FANCE: variants seen among roughly 807,000 people sequenced by gnomAD.
The protein encoded by FANCE is Fanconi anemia group E protein.
In FANCE, 42 loss-of-function variants were observed where a neutral mutation model predicts 57.8. That is an observed-to-expected ratio of 0.73 (90% CI 0.57 to 0.94). The LOEUF (loss-of-function observed/expected upper bound fraction) is 0.94, where lower values mean the gene tolerates loss of function less well. Ranked by LOEUF, FANCE falls within the 40% of genes least tolerant of loss-of-function variation. The probability of loss-of-function intolerance (pLI) is 0.00; values close to 1 mark genes in which losing one functional copy is unlikely to be tolerated. For synonymous variants in FANCE, 251 were observed against 286.4 expected (o/e 0.88, Z 1.25); for missense variants, 608 against 661.8 (o/e 0.92, Z 0.89).
chr6:35,464,653 T>C (rs980097415), intron 9 of FANCE, among the ~76,000 whole-genome samples: 3 of 151,598 alleles, frequency 2.0e-5, no homozygotes, highest in African/African-American at 7.3e-5. Flanking sequence ...ACACCCAGCC[T>C]CAGGCGTGGC....
chr6:35,457,463 A>G (rs1226561172), intron 2 of FANCE, 93 bp from the exon 3 acceptor site: 4 of 1,404,998 alleles, frequency 2.8e-6, no homozygotes, highest in Non-Finnish European at 4.0e-6. Flanking sequence ...GCTCCCACTG[A>G]CCTGGGGCCT....
rs200659702 is a variant in FANCE, at chr6:35,455,747, G to A, written c.249G>A (p.Leu83=). ...TGCTTGCTCTCCCTCTGCTACCCAGGAAACCACTGTTGCTGCGATTGCCCC... is the reference window on the plus strand; with the variant it reads ...TGCTTGCTCTCCCTCTGCTACCCAGAAAACCACTGTTGCTGCGATTGCCCC... ...VVQGPDGRLE[L]KPLLLRLPRI... The change falls in exon 2 of 10, where the codon CTG becomes CTA. Residue 83 remains leucine (L), a splice_region_variant and synonymous_variant. Coordinates refer to ENST00000229769, the MANE Select transcript of FANCE (RefSeq NM_021922.3). The A allele has an allele frequency of 6.2e-7, 1 of 1,613,844 alleles. No homozygotes were observed. The highest frequency in any genetic ancestry group is 8.5e-7 in the Non-Finnish European group (1 of 1,180,028).
intron 1 of FANCE, among the ~76,000 whole-genome samples, chr6:35,454,748 C>T (rs1767256786): frequency 6.6e-6 from 1 of 152,234 alleles, no homozygotes; most frequent in Non-Finnish European, 1.5e-5. Context: ...TCCTCATCCC[C>T]CGTCTTTCCC....
chr6:35,454,147 TC>T (rs1767228618), intron 1 of FANCE, among the ~76,000 whole-genome samples: 1 of 151,864 alleles, frequency 6.6e-6, no homozygotes, highest in African/African-American at 2.4e-5. Context: ...CACTGCAACC[TC>T]CACCTCCAGA....
intron 5 of FANCE, among the ~76,000 whole-genome samples, chr6:35,458,874 G>T (rs1767469513): frequency 1.3e-5 from 2 of 151,960 alleles, no homozygotes; most frequent in South Asian, 4.2e-4. Context: ...TCTGCCTTTG[G>T]GGTTCAAGCG....
At chr6:35,460,721 A>G in intron 8 of FANCE, 103 bp downstream of exon 8, 1 of 1,039,060 alleles carries the variant, frequency 9.6e-7, no homozygotes, top group South Asian at 1.3e-5. Context: ...TGGAGGGTCA[A>G]GCAGGACAGC....
In FANCE at chr6:35,459,406, C is replaced by A. The variant is rs759782690; in HGVS notation, c.1189C>A (p.Pro397Thr). 5.6e-6 allele frequency: 9 copies of A among 1,614,066 alleles called. 1 individual carries two copies. The Admixed American group carries it at 1.0e-4, about 18-fold the overall frequency. The change falls in exon 6 of 10, where the codon CCT becomes ACT. Residue 397 changes from proline (P) to threonine (T), a missense_variant. By Grantham distance (38) the Pro-to-Thr change is conservative. Coordinates refer to ENST00000229769, the MANE Select transcript of FANCE (RefSeq NM_021922.3). Reference protein sequence around the residue: ...LTSFCAKYTYPVCSALLDPVL... With the variant: ...LTSFCAKYTYTVCSALLDPVL... The stretch of plus-strand genomic sequence containing the variant: ...CTCCTTCTGTGCCAAATATACATAC[C>A]CTGTCTGCAGCGCCCTCCTTGACCC...
chr6:35,464,021 T>G (rs1386716762), intron 9 of FANCE, among the ~76,000 whole-genome samples: 1 of 151,806 alleles, frequency 6.6e-6, no homozygotes, highest in Admixed American at 6.6e-5. Flanking sequence ...GGAAGGGCAT[T>G]TCAGGAAAAA....
At chr6:35,462,669 G>C in intron 8 of FANCE, 120 bp from the exon 9 acceptor site, 1 of 1,361,734 alleles carries the variant, frequency 7.3e-7, no homozygotes, top group Non-Finnish European at 1.0e-6. Context: ...GGTTGGTTAA[G>C]TTACCTGCCC....
intron 8 of FANCE, 39 bp from the exon 9 acceptor site, chr6:35,462,750 C>G (rs1420458944): frequency 6.2e-7 from 1 of 1,613,606 alleles, no homozygotes; most frequent in Admixed American, 1.7e-5. Flanking sequence ...GAGCCCAAGC[C>G]TTTCTTGTGA....
Position 35,452,447 on chromosome 6 carries a change from C to T in FANCE, c.-99C>T. 1.7e-6 allele frequency: 2 copies of T among 1,157,096 alleles called. No individual in the cohort carries two copies. The highest frequency in any genetic ancestry group is 2.2e-6 in the Non-Finnish European group (2 of 928,628). 71.7% of individuals were successfully genotyped at this position (1,157,096 alleles called of 1,614,324 possible). ...ACAGGCGCTGGAGCTGGCCCGCCAC[C>T]GCCGCGTCAGGGACGGCGCTGGAGT... On this transcript the variant is annotated 5_prime_UTR_variant, in exon 1 of 10. Transcript: ENST00000229769.
intron 5 of FANCE, 36 bp from the exon 6 acceptor site, chr6:35,459,295 G>C (rs752845362): frequency 6.2e-7 from 1 of 1,612,802 alleles, no homozygotes; most frequent in South Asian, 1.1e-5. Context: ...AAATGAAGAA[G>C]AAAATAATTA....
At chr6:35,463,409 A>G (rs1767670786) in intron 9 of FANCE, among the ~76,000 whole-genome samples, 1 of 152,228 alleles carries the variant, frequency 6.6e-6, no homozygotes, top group South Asian at 2.1e-4. Context: ...CATCCAGCCA[A>G]CACTTCTTTA....
At chr6:35,458,101 T>A in intron 4 of FANCE, 117 bp downstream of exon 4, 2 of 1,261,980 alleles carry the variant, frequency 1.6e-6, no homozygotes, top group Non-Finnish European at 2.3e-6. Context: ...TTTGTTGTTT[T>A]CTCTCTCAGC....
chr6:35,458,035 C>T lies in FANCE; in HGVS notation c.969+51C>T, dbSNP rs762124358. On this transcript the variant is annotated intron_variant, in intron 4 of 9. Coordinates refer to ENST00000229769, the MANE Select transcript of FANCE (RefSeq NM_021922.3). Reference sequence around the variant, plus strand: ...TGAGGTTACATTCTCTGTCCCTTATCTTTTTCTATTTAAGTTTATGTTTTC... The same window carrying T: ...TGAGGTTACATTCTCTGTCCCTTATTTTTTTCTATTTAAGTTTATGTTTTC... The T allele has an allele frequency of 2.0e-6, 3 of 1,532,296 alleles. No homozygotes were observed. In the East Asian group the frequency reaches 6.7e-5, roughly 34 times the overall value. 94.9% of individuals were successfully genotyped at this position (1,532,296 alleles called of 1,614,324 possible). A position where few individuals can be genotyped will look rare whatever the true frequency, so the allele number is the denominator to read the frequency against.
chr6:35,455,246 T>A (rs1354400538), intron 1 of FANCE, among the ~76,000 whole-genome samples: 1 of 152,162 alleles, frequency 6.6e-6, no homozygotes, highest in Non-Finnish European at 1.5e-5. Context: ...ATGATAGATA[T>A]TCAATGAACA....
chr6:35,459,455 G>A lies in FANCE; in HGVS notation c.1237+1G>A, dbSNP rs1767499634. ...CCTGTGCTCCAGGCCCCAGGCACAG[G>A]TAATTCTGGAACCAGCCCCAGGCCC... On this transcript the variant is annotated splice_donor_variant, in intron 6 of 9. Coordinates refer to ENST00000229769, the MANE Select transcript of FANCE (RefSeq NM_021922.3). LOFTEE classifies it high-confidence loss of function. 3 of 1,613,964 alleles carry A rather than the reference G, an allele frequency of 1.9e-6. No individual in the cohort carries two copies. The highest frequency in any genetic ancestry group is 1.6e-4 in the Middle Eastern group (1 of 6,062).
chr6:35,460,570 C>G lies in FANCE; in HGVS notation c.1335C>G (p.Pro445=), dbSNP rs1767550310. The change falls in exon 8 of 10, where the codon CCC becomes CCG. Residue 445 remains proline, a synonymous_variant. Coordinates refer to ENST00000229769, the MANE Select transcript of FANCE (RefSeq NM_021922.3). ...TTTGCAGACAGATCTTGGAGCTGCC[C>G]TGGAAGGAGGAAACTTTCTTGGTGT... The part of the protein sequence containing the change: ...VLMLGQILEL[P]WKEETFLVLQ... 1.2e-6 allele frequency: 2 copies of G among 1,613,980 alleles called. No individual in the cohort carries two copies. Among genetic ancestry groups the G allele is most frequent in the African/African-American group, 2.7e-5 (2 of 74,924 alleles).
In FANCE at chr6:35,460,634, T is replaced by TG. The variant is rs770300367; in HGVS notation, c.1383+20dup. ...AGAGCGGCAGGTGAGCAGGCTGCCC[T>TG]GGGGAAGAGTGGACAAAGAAGTGCT... On this transcript the variant is annotated intron_variant, in intron 8 of 9. Transcript: ENST00000229769. 74 of 1,610,930 alleles carry TG rather than the reference T, an allele frequency of 4.6e-5. No homozygotes were observed. In the South Asian group the frequency reaches 8.0e-4, roughly 17 times the overall value.
Sources: allele counts gnomAD v4.1 joint callset (sites outside exome capture counted in the v4.1 genomes callset), GRCh38; gene constraint gnomAD v4.1.1; transcripts MANE v1.5; gene names NCBI Gene and HGNC (gene_info 2026-07-23, HGNC 2026-07-21).